ZRANB3: variants seen among roughly 807,000 people sequenced by gnomAD.
ZRANB3 encodes zinc finger RANBP2-type containing 3, also known as DNA annealing helicase and endonuclease ZRANB3.
A neutral mutation model predicts 133.8 loss-of-function variants in ZRANB3; 125 were observed. That is an observed-to-expected ratio of 0.93 (90% CI 0.81 to 1.08). The LOEUF is 1.08. Ranked by LOEUF, ZRANB3 falls within the 50% of genes least tolerant of loss-of-function variation. ZRANB3 has a pLI of 0.00. For missense variants in ZRANB3, 1,229 were observed against 1,275.5 expected (o/e 0.96, Z 0.56); for synonymous variants, 387 against 432.7 (o/e 0.89, Z 1.31).
At position 135,499,063 on chromosome 2, in the gene ZRANB3, C is replaced by T. The variant is rs138622700; in HGVS notation, c.161+5266G>A. On this transcript the variant is annotated intron_variant, in intron 2 of 20. Transcript: ENST00000264159. ...CCACACCCTATTTGTACACTCCCTC[C>T]CCTTTTGAAAATCATTAATAAAAAC... 9.9e-5 allele frequency among the ~76,000 whole-genome samples: 15 copies of T among 152,248 alleles called. 1 individual carries two copies. In the East Asian group the frequency reaches 2.9e-3, roughly 29 times the overall value.
At chr2:135,446,365 T>C (rs1351950571) in intron 2 of ZRANB3, among the ~76,000 whole-genome samples, 1 of 152,108 alleles carries the variant, frequency 6.6e-6, no homozygotes, top group East Asian at 1.9e-4. Context: ...TTCATTTCCT[T>C]GGAAACGGAG....
chr2:135,358,471 T>C (rs1685531656), intron 3 of ZRANB3, among the ~76,000 whole-genome samples: 1 of 152,176 alleles, frequency 6.6e-6, no homozygotes, highest in African/African-American at 2.4e-5. Flanking sequence ...AAAAACAAAT[T>C]ATGGGAGCTA....
At chr2:135,200,527 G>GA in intron 20 of ZRANB3, 87 bp from the exon 21 acceptor site, 2 of 1,142,302 alleles carry the variant, frequency 1.8e-6, no homozygotes, top group South Asian at 1.4e-5. Flanking sequence ...TGTTAGTTTG[G>GA]AAAATCTACA....
Position 135,234,736 on chromosome 2 carries a change from T to C in ZRANB3, c.1540-3809A>G, listed in dbSNP as rs1190095954. Among the ~76,000 whole-genome samples, 5 of 152,208 alleles carry C rather than the reference T, an allele frequency of 3.3e-5. No individual in the cohort carries two copies. In the East Asian group the frequency reaches 9.6e-4, roughly 29 times the overall value. On this transcript the variant is annotated intron_variant, in intron 12 of 20. Transcript: ENST00000264159. ...GCAGAAATAAAGATGTTCTTTGGAA[T>C]CAATGAGAACGAAGACACAACATAC...
chr2:135,380,246 C>T (rs1401624044), intron 3 of ZRANB3, among the ~76,000 whole-genome samples: 1 of 152,122 alleles, frequency 6.6e-6, no homozygotes, highest in African/African-American at 2.4e-5. Flanking sequence ...CAATATTAGA[C>T]AGATCAGCAA....
chr2:135,382,090 C>T (rs1386654493), intron 3 of ZRANB3, among the ~76,000 whole-genome samples: 1 of 151,974 alleles, frequency 6.6e-6, no homozygotes. Flanking sequence ...ACTTAAAAAC[C>T]TTGAAAAAAG....
chr2:135,418,014 G>A (rs1180436474), intron 2 of ZRANB3, among the ~76,000 whole-genome samples: 1 of 152,126 alleles, frequency 6.6e-6, no homozygotes, highest in Non-Finnish European at 1.5e-5. Flanking sequence ...AATGCTAAAT[G>A]ACGAGTTAAT....
At chr2:135,447,100 A>C (rs1690055752) in intron 2 of ZRANB3, among the ~76,000 whole-genome samples, 1 of 151,970 alleles carries the variant, frequency 6.6e-6, no homozygotes, top group South Asian at 2.1e-4. Context: ...GCTGGAGTGC[A>C]GTGGCACAAT....
At chr2:135,205,137 T>C (rs889868219) in intron 19 of ZRANB3, among the ~76,000 whole-genome samples, 1 of 152,206 alleles carries the variant, frequency 6.6e-6, no homozygotes, top group Non-Finnish European at 1.5e-5. Flanking sequence ...GATTAATTCA[T>C]TCTTTCATAA....
intron 2 of ZRANB3, among the ~76,000 whole-genome samples, chr2:135,439,704 C>T (rs1187352422): frequency 6.6e-6 from 1 of 152,172 alleles, no homozygotes; most frequent in African/African-American, 2.4e-5. Context: ...ACCTGGCAAA[C>T]TGAAAACAAC....
At chr2:135,376,821 C>A (rs892188092) in intron 3 of ZRANB3, among the ~76,000 whole-genome samples, 3 of 152,006 alleles carry the variant, frequency 2.0e-5, no homozygotes, top group African/African-American at 7.3e-5. Flanking sequence ...AAGAGTAAAC[C>A]TGAATGTACG....
At chr2:135,292,370 G>A (rs1369795035) in intron 8 of ZRANB3, among the ~76,000 whole-genome samples, 1 of 152,128 alleles carries the variant, frequency 6.6e-6, no homozygotes, top group Non-Finnish European at 1.5e-5. Flanking sequence ...TTTTTCATGT[G>A]TCTTTTGGCT....
At chr2:135,466,181 G>C (rs1163119088) in intron 2 of ZRANB3, among the ~76,000 whole-genome samples, 1 of 152,020 alleles carries the variant, frequency 6.6e-6, no homozygotes, top group Non-Finnish European at 1.5e-5. Context: ...TCAGGAGTTT[G>C]AGACCAGCCT....
intron 2 of ZRANB3, among the ~76,000 whole-genome samples, chr2:135,431,573 T>C (rs1689325234): frequency 6.6e-6 from 1 of 152,044 alleles, no homozygotes; most frequent in Non-Finnish European, 1.5e-5. Context: ...AGAACTTATA[T>C]CCAGAATATA....
intron 3 of ZRANB3, among the ~76,000 whole-genome samples, chr2:135,379,047 G>C (rs183044455): frequency 6.6e-5 from 10 of 152,160 alleles, no homozygotes; most frequent in Middle Eastern, 3.4e-3. Context: ...AATAATATAT[G>C]AATATTGGCT....
intron 2 of ZRANB3, among the ~76,000 whole-genome samples, chr2:135,491,424 A>C (rs1230597336): frequency 6.6e-6 from 1 of 152,168 alleles, no homozygotes; most frequent in Non-Finnish European, 1.5e-5. Context: ...GGCTCACTGC[A>C]ACCTCCACCT....
chr2:135,202,891 C>T lies in ZRANB3; in HGVS notation c.3082G>A (p.Gly1028Arg), dbSNP rs866644990. Residue 1028 changes from glycine to arginine, a missense_variant, in exon 20 of 21, where the codon GGA becomes AGA. Gly to Arg is a moderately radical substitution (Grantham distance 125). Coordinates refer to ENST00000264159, the MANE Select transcript of ZRANB3 (RefSeq NM_032143.4). ...TTGTCCAGGGAACACTGTCCTCCTC[C>T]CCCATACACTGGCTTGATGTGATCC... ...QVDHIKPVYG[G>R]GGQCSLDNLQ... 6 of 1,612,060 alleles carry T rather than the reference C, an allele frequency of 3.7e-6. No individual in the cohort carries two copies. Among genetic ancestry groups the T allele is most frequent in the Non-Finnish European group, 5.1e-6 (6 of 1,179,074 alleles).
intron 1 of ZRANB3, among the ~76,000 whole-genome samples, chr2:135,528,605 T>A (rs907703782): frequency 6.6e-6 from 1 of 152,096 alleles, no homozygotes; most frequent in African/African-American, 2.4e-5. Context: ...CATTACTATT[T>A]AGTGACTAGA....
At chr2:135,515,931 C>CT (rs1693677718) in intron 1 of ZRANB3, among the ~76,000 whole-genome samples, 1 of 152,146 alleles carries the variant, frequency 6.6e-6, no homozygotes, top group African/African-American at 2.4e-5. Flanking sequence ...TTGTAGGTCT[C>CT]TAAGAATTTG....
Sources: allele counts gnomAD v4.1 joint callset (sites outside exome capture counted in the v4.1 genomes callset), GRCh38; gene constraint gnomAD v4.1.1; transcripts MANE v1.5; gene names NCBI Gene and HGNC (gene_info 2026-07-23, HGNC 2026-07-21).